Variants in PARD3B observed in about 807,000 individuals in gnomAD.
PARD3B encodes par-3 family cell polarity regulator beta.
PARD3B carries 103 observed loss-of-function variants against 130.2 expected under a neutral mutation model. That is an observed-to-expected ratio of 0.79 (90% CI 0.67 to 0.93). The LOEUF (loss-of-function observed/expected upper bound fraction) is 0.93. Ranked by LOEUF, PARD3B falls within the 40% of genes least tolerant of loss-of-function variation. PARD3B has a pLI of 0.00. For synonymous variants in PARD3B, 583 were observed against 553.2 expected, an observed-to-expected ratio of 1.05 and a Z score of -0.76; for missense variants, 1,609 against 1,499.2, an observed-to-expected ratio of 1.07 and a Z score of -1.21.
rs1233208597 is a variant in PARD3B, at chr2:205,149,022, G to A, written c.1435-9700G>A. Among the ~76,000 whole-genome samples, 6 of 152,254 alleles carry A rather than the reference G, an allele frequency of 3.9e-5. No individual in the cohort carries two copies. The East Asian group carries it at 1.2e-3, about 29-fold the overall frequency. ...ATTCCCCTGGGCTTTGAAAGGCTGG[G>A]TTATTACCACTTGCATGCGTGAATC... On this transcript the variant is annotated intron_variant, in intron 10 of 22. Coordinates refer to ENST00000406610, the MANE Select transcript of PARD3B (RefSeq NM_001302769.2).
intron 2 of PARD3B, among the ~76,000 whole-genome samples, chr2:204,805,386 A>G (rs1321749760): frequency 6.6e-6 from 1 of 152,154 alleles, no homozygotes; most frequent in Non-Finnish European, 1.5e-5. Context: ...ACTTGAACAG[A>G]CCAATAACAA....
intron 6 of PARD3B, among the ~76,000 whole-genome samples, chr2:205,117,612 G>A (rs997527484): frequency 6.6e-6 from 1 of 152,152 alleles, no homozygotes; most frequent in African/African-American, 2.4e-5. Context: ...TTTTATTTAG[G>A]TTTGAAATTT....
intron 2 of PARD3B, among the ~76,000 whole-genome samples, chr2:204,738,957 T>G (rs549428580): frequency 1.3e-5 from 2 of 152,330 alleles, no homozygotes; most frequent in African/African-American, 2.4e-5. Flanking sequence ...TCTCATCATA[T>G]GCACAGGTTC....
chr2:204,975,564 C>T (rs1004341868), intron 3 of PARD3B, among the ~76,000 whole-genome samples: 12 of 152,150 alleles, frequency 7.9e-5, no homozygotes, highest in African/African-American at 2.9e-4. Context: ...ATGTGTTGTG[C>T]CTAGTCTGGA....
In PARD3B at chr2:205,446,619, C is replaced by A. The variant is rs923553492; in HGVS notation, c.3044+5947C>A. On this transcript the variant is annotated intron_variant, in intron 20 of 22. Transcript: ENST00000406610. The surrounding 1 kb of genome is among the most constrained non-coding windows in gnomAD (Gnocchi z 4.4). ...TTGCTTCTCAAAGGTTGGCCCTGAA[C>A]CTTCAGTCCATCTTAGAAAAAAAAA... Among the ~76,000 whole-genome samples, 2 of 147,438 alleles carry A rather than the reference C, an allele frequency of 1.4e-5. No individual in the cohort carries two copies. The highest frequency in any genetic ancestry group is 2.9e-5 in the Non-Finnish European group (2 of 67,816).
At chr2:204,973,888 G>A (rs1691919719) in intron 3 of PARD3B, among the ~76,000 whole-genome samples, 2 of 152,246 alleles carry the variant, frequency 1.3e-5, no homozygotes, top group Admixed American at 1.3e-4. Flanking sequence ...GTGACCATAA[G>A]AGAAGCCATC....
chr2:205,465,474 A>G (rs949938079), intron 20 of PARD3B, among the ~76,000 whole-genome samples: 14 of 152,214 alleles, frequency 9.2e-5, no homozygotes, highest in African/African-American at 2.7e-4. Context: ...TTTGCTTTCT[A>G]TAAAACTCGA....
At chr2:204,550,501 G>A (rs1051852569) in intron 1 of PARD3B, among the ~76,000 whole-genome samples, 1 of 151,798 alleles carries the variant, frequency 6.6e-6, no homozygotes, top group Non-Finnish European at 1.5e-5. Flanking sequence ...TAATGAGGAT[G>A]TATAGTGTGT....
Position 204,953,011 on chromosome 2 carries a change from G to T in PARD3B, c.223-12141G>T, listed in dbSNP as rs1352397269. ...GACTCAGTCTCAAAAAAAAAAAAAA[G>T]GTATATATATATATGTGTGTATATA... On this transcript the variant is annotated intron_variant, in intron 2 of 22. Coordinates refer to ENST00000406610, the MANE Select transcript of PARD3B (RefSeq NM_001302769.2). 5.9e-5 allele frequency among the ~76,000 whole-genome samples: 8 copies of T among 136,432 alleles called. No individual in the cohort carries two copies. The East Asian group carries it at 2.0e-3, about 34-fold the overall frequency. The allele number at this position is 136,432 out of a possible 152,430, so 89.5% of individuals were successfully genotyped here. A position where few individuals can be genotyped will look rare whatever the true frequency, so the allele number is the denominator to read the frequency against.
intron 2 of PARD3B, among the ~76,000 whole-genome samples, chr2:204,729,646 A>G (rs918156399): frequency 6.6e-6 from 1 of 152,198 alleles, no homozygotes; most frequent in African/African-American, 2.4e-5. Context: ...TCCCCAGATA[A>G]TGAAAGGTGC....
chr2:204,976,972 C>T (rs562502696), intron 3 of PARD3B, among the ~76,000 whole-genome samples: 9 of 152,194 alleles, frequency 5.9e-5, no homozygotes, highest in African/African-American at 2.2e-4. Context: ...AACTTTCAAC[C>T]CATAAGATCA....
At chr2:205,065,897 T>C (rs1237983003) in intron 4 of PARD3B, among the ~76,000 whole-genome samples, 1 of 152,202 alleles carries the variant, frequency 6.6e-6, no homozygotes, top group Non-Finnish European at 1.5e-5. Flanking sequence ...CAATCTCAGA[T>C]ACTCCATTAT....
intron 1 of PARD3B, among the ~76,000 whole-genome samples, chr2:204,580,779 C>T (rs1229123227): frequency 6.6e-6 from 1 of 152,194 alleles, no homozygotes; most frequent in Non-Finnish European, 1.5e-5. Flanking sequence ...ATAAGAGAGA[C>T]TGTGATCTTG....
In PARD3B at chr2:205,159,045, G is replaced by A. The variant is rs963488761; in HGVS notation, c.1620+138G>A. ...CCCGCCAGATACAAAAAATATATGT[G>A]TGAACAGATCTGGGAAATAACTGGC... On this transcript the variant is annotated intron_variant, in intron 11 of 22. Transcript: ENST00000406610. 4.6e-6 allele frequency: 4 copies of A among 877,786 alleles called. No homozygotes were observed. The African/African-American group carries it at 6.8e-5, about 15-fold the overall frequency. 54.4% of individuals were successfully genotyped at this position (877,786 alleles called of 1,614,324 possible).
At position 204,895,148 on chromosome 2, in the gene PARD3B, G is replaced by C. The variant is rs574565712; in HGVS notation, c.223-70004G>C. 4.6e-5 allele frequency among the ~76,000 whole-genome samples: 7 copies of C among 152,168 alleles called. No homozygotes were observed. In the South Asian group the frequency reaches 1.4e-3, roughly 31 times the overall value. On this transcript the variant is annotated intron_variant, in intron 2 of 22. Coordinates refer to ENST00000406610, the MANE Select transcript of PARD3B (RefSeq NM_001302769.2). ...TATGTTGGGAAAAATCAAGGAGCCT[G>C]TTTAAAAATAGAACCTACTTAGAGA...
intron 18 of PARD3B, among the ~76,000 whole-genome samples, chr2:205,353,378 A>G (rs1398572041): frequency 6.6e-6 from 1 of 152,172 alleles, no homozygotes; most frequent in Non-Finnish European, 1.5e-5. Flanking sequence ...AAAATATGCT[A>G]TCTACTTAGC....
At chr2:204,914,490 ATAAG>A (rs2047368678) in intron 2 of PARD3B, among the ~76,000 whole-genome samples, 2 of 152,164 alleles carry the variant, frequency 1.3e-5, no homozygotes, top group Admixed American at 6.5e-5. Flanking sequence ...AGGGAAGAAA[ATAAG>A]TAAATCTGCT....
intron 19 of PARD3B, among the ~76,000 whole-genome samples, chr2:205,435,322 C>G (rs1020674616): frequency 5.3e-5 from 8 of 151,804 alleles, no homozygotes; most frequent in African/African-American, 1.5e-4. Context: ...CTGCATAATA[C>G]TTTTCTATAT....
intron 3 of PARD3B, among the ~76,000 whole-genome samples, chr2:205,041,172 C>G (rs1348331185): frequency 6.6e-6 from 1 of 152,174 alleles, no homozygotes; most frequent in Non-Finnish European, 1.5e-5. Flanking sequence ...TATCTACCTG[C>G]TCATTCTAGA....
Sources: gnomAD v4.1 joint callset for allele counts (sites outside exome capture counted in the v4.1 genomes callset) on GRCh38, gnomAD v4.1.1 for gene constraint, Gnocchi (gnomAD v3.1) non-coding constraint, MANE v1.5 for transcripts, NCBI Gene and HGNC (gene_info 2026-07-23, HGNC 2026-07-21) for gene names.